The following ITCH variants were observed in gnomAD, a reference collection of about 807,000 sequenced individuals.
The protein encoded by ITCH is itchy E3 ubiquitin protein ligase.
ITCH carries 28 observed loss-of-function variants against 126.8 expected under a neutral mutation model. That is an observed-to-expected ratio of 0.22 (90% CI 0.16 to 0.30). The LOEUF is 0.30. ITCH is among the 10% of genes least tolerant of loss of function. ITCH has a pLI of 1.00. For synonymous variants in ITCH, 342 were observed against 340.0 expected (o/e 1.01, Z -0.06); for missense variants, 631 against 1,032.4 (o/e 0.61, Z 5.33).
At chr20:34,381,608 A>G (rs1047494523) in intron 2 of ITCH, among the ~76,000 whole-genome samples, 1 of 151,966 alleles carries the variant, frequency 6.6e-6, no homozygotes, top group Non-Finnish European at 1.5e-5. Context: ...TTGTTTTTTT[A>G]GTAGAGACGG....
chr20:34,411,007 G>A (rs763437355), intron 4 of ITCH, among the ~76,000 whole-genome samples: 17 of 152,128 alleles, frequency 1.1e-4, no homozygotes, highest in African/African-American at 2.2e-4. Flanking sequence ...TCCCATTGTC[G>A]TGTAGCAGGC....
intron 3 of ITCH, among the ~76,000 whole-genome samples, chr20:34,400,071 T>C (rs1228436808): frequency 6.6e-6 from 1 of 152,072 alleles, no homozygotes; most frequent in Non-Finnish European, 1.5e-5. Flanking sequence ...CCTGAGTAGC[T>C]GGGATTACAG....
At chr20:34,435,920 G>A (rs752860905) in intron 7 of ITCH, among the ~76,000 whole-genome samples, 3 of 152,182 alleles carry the variant, frequency 2.0e-5, no homozygotes, top group African/African-American at 4.8e-5. Flanking sequence ...AGAATAAATA[G>A]GAAGTTGTAG....
Position 34,377,591 on chromosome 20 carries a change from C to T in ITCH, c.-22+8121C>T, listed in dbSNP as rs560131820. ...TTGAGATAACTGATATGGCTGGGCG[C>T]GGTGGCTTACACCTGTAATCCCAGC... On this transcript the variant is annotated intron_variant, in intron 2 of 24. Coordinates refer to ENST00000374864, the MANE Select transcript of ITCH (RefSeq NM_031483.7). Among the ~76,000 whole-genome samples the T allele has an allele frequency of 9.3e-5, 14 of 150,732 alleles. No homozygotes were observed. In the South Asian group the frequency reaches 2.1e-3, roughly 23 times the overall value.
At chr20:34,437,312 CTTTG>C (rs745779762) in intron 7 of ITCH, among the ~76,000 whole-genome samples, 7 of 152,020 alleles carry the variant, frequency 4.6e-5, no homozygotes, top group African/African-American at 1.4e-4. Context: ...CTCTCTGTTT[CTTTG>C]TTTGTTTGAG....
At chr20:34,374,371 T>A (rs1490114434) in intron 2 of ITCH, among the ~76,000 whole-genome samples, 2 of 152,208 alleles carry the variant, frequency 1.3e-5, no homozygotes, top group Non-Finnish European at 1.5e-5. Context: ...GGTGGTATGA[T>A]CTTGGCCAAC....
chr20:34,419,815 C>G (rs1196620838), intron 6 of ITCH, among the ~76,000 whole-genome samples: 1 of 152,086 alleles, frequency 6.6e-6, no homozygotes, highest in South Asian at 2.1e-4. Context: ...AAGATTTAGT[C>G]ATATAATTGT....
At chr20:34,452,985 G>A (rs1055680037) in intron 12 of ITCH, among the ~76,000 whole-genome samples, 1 of 152,180 alleles carries the variant, frequency 6.6e-6, no homozygotes, top group African/African-American at 2.4e-5. Context: ...CCTAGTTACT[G>A]TGAAAGAATA....
chr20:34,371,199 A>G (rs1418103275), intron 2 of ITCH, among the ~76,000 whole-genome samples: 1 of 150,842 alleles, frequency 6.6e-6, no homozygotes, highest in Non-Finnish European at 1.5e-5. Flanking sequence ...GAATAGGAAG[A>G]TACTGGTAAA....
chr20:34,454,829 T>TTG (rs1332388353), intron 12 of ITCH, among the ~76,000 whole-genome samples: 1 of 41,164 alleles, frequency 2.4e-5, no homozygotes, highest in East Asian at 6.0e-4. Context: ...TTTTTTTTTT[T>TTG]TTTTTTTTTT....
chr20:34,507,688 C>T lies in ITCH; in HGVS notation c.2490-7C>T, dbSNP rs770128013. The T allele has an allele frequency of 6.2e-7, 1 of 1,608,280 alleles. No individual in the cohort carries two copies. On this transcript the variant is annotated splice_region_variant and splice_polypyrimidine_tract_variant and intron_variant, in intron 24 of 24. Coordinates refer to ENST00000374864, the MANE Select transcript of ITCH (RefSeq NM_031483.7). ...CCTTTTCTCAAACTAACAATTCTTGCTTTTAGTTTTAATCGCCTGGACCTG... is the reference window on the plus strand; with the variant it reads ...CCTTTTCTCAAACTAACAATTCTTGTTTTTAGTTTTAATCGCCTGGACCTG...
At chr20:34,492,720 G>A (rs1989602694) in intron 23 of ITCH, 123 bp downstream of exon 23, 1 of 736,282 alleles carries the variant, frequency 1.4e-6, no homozygotes, top group African/African-American at 1.7e-5. Context: ...ACTATTCCCA[G>A]TTAGCATGGA....
chr20:34,475,702 G>C (rs886975939), intron 16 of ITCH, among the ~76,000 whole-genome samples: 8 of 150,348 alleles, frequency 5.3e-5, no homozygotes, highest in African/African-American at 1.7e-4. Context: ...AGAGGCAGGG[G>C]CAGGGGCAGG....
chr20:34,455,845 A>T (rs1276606066), intron 12 of ITCH, among the ~76,000 whole-genome samples: 1 of 151,860 alleles, frequency 6.6e-6, no homozygotes, highest in Non-Finnish European at 1.5e-5. Context: ...GTAGACTGGG[A>T]ACACGAAAAC....
intron 14 of ITCH, chr20:34,466,244 T>G (rs533500108): frequency 5.1e-6 from 2 of 392,362 alleles, no homozygotes; most frequent in African/African-American, 2.1e-5. Flanking sequence ...GTTGAACCTT[T>G]TTTGCATTCC....
chr20:34,383,836 CT>C (rs745864966), intron 2 of ITCH, among the ~76,000 whole-genome samples: 95 of 68,660 alleles, frequency 1.4e-3, no homozygotes, highest in East Asian at 7.9e-3. Flanking sequence ...GTCTGTAATT[CT>C]TTTTTTTTTT....
chr20:34,454,086 T>C (rs898101780), intron 12 of ITCH, among the ~76,000 whole-genome samples: 10 of 152,130 alleles, frequency 6.6e-5, no homozygotes, highest in African/African-American at 1.9e-4. Flanking sequence ...CATGAACTTA[T>C]CTTGCTGTTA....
At position 34,465,698 on chromosome 20, in the gene ITCH, TTTC is replaced by T. The variant is rs144370952; in HGVS notation, c.1424+3480_1424+3482del. Among the ~76,000 whole-genome samples, 1,364 of 152,272 alleles carry T rather than the reference TTTC, an allele frequency of 9.0e-3. 19 individuals carry two copies. The highest frequency in any genetic ancestry group is 0.031 in the African/African-American group (1,289 of 41,566). On this transcript the variant is annotated intron_variant, in intron 14 of 24. Coordinates refer to ENST00000374864, the MANE Select transcript of ITCH (RefSeq NM_031483.7). ...TTGTAAATGGAATTGTTATCTTAAT[TTTC>T]TTTTTATATTGTTTATTCTTAGTAT...
intron 1 of ITCH, among the ~76,000 whole-genome samples, chr20:34,364,420 C>A (rs1056247607): frequency 1.3e-5 from 2 of 152,070 alleles, no homozygotes; most frequent in African/African-American, 4.8e-5. Flanking sequence ...GCATCTTTTC[C>A]TGATAGAATT....
Sources: allele counts gnomAD v4.1 joint callset (sites outside exome capture counted in the v4.1 genomes callset), GRCh38; gene constraint gnomAD v4.1.1; transcripts MANE v1.5; gene names NCBI Gene and HGNC (gene_info 2026-07-23, HGNC 2026-07-21).